Variants in RGS5 observed in about 807,000 individuals in gnomAD.
RGS5 encodes regulator of G protein signaling 5, also known as regulator of G-protein signalling 5.
Under a neutral mutation model 18.9 loss-of-function variants are expected in RGS5, and 20 were observed. The ratio of observed to expected loss-of-function variants is 1.06; its 90% confidence interval spans 0.74 to 1.54. RGS5 has a LOEUF of 1.54. RGS5 is among the 40% of genes most tolerant of loss of function. The probability of loss-of-function intolerance (pLI) is 0.00; values close to 1 mark genes in which losing one functional copy is unlikely to be tolerated. For synonymous variants in RGS5, 57 were observed against 76.2 expected (o/e 0.75, Z 1.31); for missense variants, 201 against 211.8 (o/e 0.95, Z 0.32).
At chr1:163,313,123 A>G (rs905691674) in intron 1 of RGS5, among the ~76,000 whole-genome samples, 1 of 152,224 alleles carries the variant, frequency 6.6e-6, no homozygotes, top group Non-Finnish European at 1.5e-5. Context: ...AAATAGTTCA[A>G]TATCAATTGG....
chr1:163,303,347 C>T (rs1160900589), intron 2 of RGS5, among the ~76,000 whole-genome samples: 1 of 152,110 alleles, frequency 6.6e-6, no homozygotes, highest in African/African-American at 2.4e-5. Flanking sequence ...GCTGAAGTAA[C>T]TTCAAATAGT....
intron 1 of RGS5, among the ~76,000 whole-genome samples, chr1:163,214,568 T>C (rs1446892562): frequency 6.6e-6 from 1 of 152,114 alleles, no homozygotes; most frequent in East Asian, 1.9e-4. Context: ...CACACAACCA[T>C]GCTTCAGTCT....
intron 1 of RGS5, among the ~76,000 whole-genome samples, chr1:163,169,860 A>G (rs1282376222): frequency 6.6e-6 from 1 of 152,124 alleles, no homozygotes; most frequent in Non-Finnish European, 1.5e-5. Flanking sequence ...CTGTCAGACT[A>G]TCTTATGTGC....
chr1:163,294,700 C>T (rs1649380751), intron 2 of RGS5, among the ~76,000 whole-genome samples: 1 of 152,204 alleles, frequency 6.6e-6, no homozygotes, highest in Admixed American at 6.5e-5. Flanking sequence ...TTTTCTATTG[C>T]ATGGTCAGGC....
At chr1:163,214,396 T>A (rs1164941547) in intron 1 of RGS5, among the ~76,000 whole-genome samples, 1 of 152,132 alleles carries the variant, frequency 6.6e-6, no homozygotes, top group African/African-American at 2.4e-5. Flanking sequence ...CATCCATACT[T>A]CACTTCAGGG....
intron 1 of RGS5, among the ~76,000 whole-genome samples, chr1:163,191,109 C>A (rs900197225): frequency 2.6e-5 from 4 of 152,112 alleles, no homozygotes; most frequent in South Asian, 2.1e-4. Flanking sequence ...ACTCTTCTTG[C>A]ACACTCTGAA....
chr1:163,313,342 A>T (rs796975225), intron 1 of RGS5, among the ~76,000 whole-genome samples: 9 of 152,368 alleles, frequency 5.9e-5, no homozygotes, highest in African/African-American at 1.9e-4. Context: ...GCCAATGAAC[A>T]GAACTAGAGG....
intron 1 of RGS5, among the ~76,000 whole-genome samples, chr1:163,174,615 A>T (rs1301701437): frequency 6.6e-6 from 1 of 152,212 alleles, no homozygotes; most frequent in Non-Finnish European, 1.5e-5. Context: ...AAAGAGATTG[A>T]GAATGGTCAA....
At chr1:163,301,800 T>A (rs139365295) in intron 2 of RGS5, among the ~76,000 whole-genome samples, 9 of 152,314 alleles carry the variant, frequency 5.9e-5, no homozygotes, top group African/African-American at 2.2e-4. Context: ...TACTATTTGG[T>A]CAGGGTGTAA....
chr1:163,255,955 G>C (rs1269592300), intron 2 of RGS5, among the ~76,000 whole-genome samples: 1 of 152,126 alleles, frequency 6.6e-6, no homozygotes, highest in African/African-American at 2.4e-5. Context: ...TTGATGGGAT[G>C]TATCTCAAAA....
At chr1:163,216,385 A>T (rs1400744016) in intron 1 of RGS5, among the ~76,000 whole-genome samples, 1 of 152,146 alleles carries the variant, frequency 6.6e-6, no homozygotes, top group East Asian at 1.9e-4. Flanking sequence ...CCATATGAAA[A>T]GTGACAGTGC....
chr1:163,278,083 T>C (rs1450378887), intron 2 of RGS5, among the ~76,000 whole-genome samples: 1 of 151,756 alleles, frequency 6.6e-6, no homozygotes, highest in African/African-American at 2.4e-5. Flanking sequence ...GAAAAGGACA[T>C]AGAAAACCTA....
chr1:163,157,305 G>A (rs1657623728), intron 3 of RGS5, among the ~76,000 whole-genome samples: 1 of 152,156 alleles, frequency 6.6e-6, no homozygotes, highest in South Asian at 2.1e-4. Context: ...ACAACACACT[G>A]TTTATACGCC....
chr1:163,311,433 C>A (rs1441791365), intron 1 of RGS5, among the ~76,000 whole-genome samples: 1 of 152,198 alleles, frequency 6.6e-6, no homozygotes, highest in Non-Finnish European at 1.5e-5. Context: ...GCACAAGAGG[C>A]CTAGCTTTTG....
At chr1:163,237,135 T>G (rs546664592) in intron 2 of RGS5, 26 of 152,396 alleles carry the variant, frequency 1.7e-4, no homozygotes, top group African/African-American at 6.0e-4. Flanking sequence ...GAACCACAAC[T>G]CTGGAACATT....
At chr1:163,172,120 G>T (rs978491198) in intron 1 of RGS5, among the ~76,000 whole-genome samples, 1 of 152,206 alleles carries the variant, frequency 6.6e-6, no homozygotes, top group African/African-American at 2.4e-5. Flanking sequence ...TGAGACAGCA[G>T]AAAGCCCATT....
chr1:163,230,171 G>C (rs529862360), intron 2 of RGS5, among the ~76,000 whole-genome samples: 1 of 152,162 alleles, frequency 6.6e-6, no homozygotes, highest in Admixed American at 6.5e-5. Context: ...TATAATTAGA[G>C]ATAAAATTCA....
At chr1:163,292,646 G>A (rs988217499) in intron 2 of RGS5, among the ~76,000 whole-genome samples, 2 of 152,142 alleles carry the variant, frequency 1.3e-5, no homozygotes, top group Non-Finnish European at 2.9e-5. Flanking sequence ...CAATGTAAAA[G>A]CATTTGTTTT....
upstream of RGS5, among the ~76,000 whole-genome samples, chr1:163,221,488 AAATCAATCAATC>A (rs531668371): frequency 3.4e-5 from 5 of 147,486 alleles, no homozygotes; most frequent in African/African-American, 1.0e-4. Context: ...TACATCTCAA[AAATCAATCAATC>A]AATCAATCAA....
Sources: gnomAD v4.1 joint callset for allele counts (sites outside exome capture counted in the v4.1 genomes callset) on GRCh38, gnomAD v4.1.1 for gene constraint, MANE v1.5 for transcripts, NCBI Gene and HGNC (gene_info 2026-07-23, HGNC 2026-07-21) for gene names.